RAD51B: variants seen among roughly 807,000 people sequenced by gnomAD.
The protein encoded by RAD51B is RAD51 paralog B, also known as DNA repair protein RAD51 homolog 2.
A neutral mutation model predicts 42.2 loss-of-function variants in RAD51B; 38 were observed. The ratio of observed to expected loss-of-function variants is 0.90; its 90% confidence interval spans 0.70 to 1.18. The LOEUF (loss-of-function observed/expected upper bound fraction) is 1.18, where lower values mean the gene tolerates loss of function less well. Among genes scored for constraint, RAD51B ranks in the 50% most tolerant of loss-of-function variants. RAD51B has a pLI of 0.00. For synonymous variants in RAD51B, 154 were observed against 145.2 expected (o/e 1.06, Z -0.43); for missense variants, 373 against 400.7 (o/e 0.93, Z 0.59).
chr14:68,255,641 T>C (rs2080738616), intron 7 of RAD51B, among the ~76,000 whole-genome samples: 1 of 152,208 alleles, frequency 6.6e-6, no homozygotes, highest in Non-Finnish European at 1.5e-5. Context: ...TCACCTAAAG[T>C]GGAACTTTTG....
intron 8 of RAD51B, among the ~76,000 whole-genome samples, chr14:68,401,550 G>A (rs116217504): frequency 0.019 from 2,816 of 152,172 alleles, 88 homozygotes; most frequent in African/African-American, 0.062. Flanking sequence ...ACCTTTCTCA[G>A]TAACGAGTTT....
chr14:67,839,890 C>G (rs1048194752), intron 4 of RAD51B, among the ~76,000 whole-genome samples: 2 of 152,092 alleles, frequency 1.3e-5, no homozygotes, highest in Admixed American at 6.5e-5. Context: ...TTTAAACATT[C>G]CCATCACAAT....
chr14:67,943,141 G>C (rs981777274), intron 7 of RAD51B, among the ~76,000 whole-genome samples: 2 of 151,930 alleles, frequency 1.3e-5, no homozygotes, highest in African/African-American at 4.8e-5. Flanking sequence ...GCTTTCAAAA[G>C]TGATTCTAAA....
At chr14:68,605,610 C>A (rs77965350) in intron 10 of RAD51B, among the ~76,000 whole-genome samples, 2,733 of 152,304 alleles carry the variant, frequency 0.018, 73 homozygotes, top group African/African-American at 0.058. Flanking sequence ...CCTCCATCTG[C>A]ACATGTGCTC....
At chr14:68,059,559 G>GT (rs1201635095) in intron 7 of RAD51B, among the ~76,000 whole-genome samples, 1 of 152,038 alleles carries the variant, frequency 6.6e-6, no homozygotes, top group African/African-American at 2.4e-5. Context: ...ACATATGCCC[G>GT]TAATATTCCC....
At chr14:68,503,638 G>C (rs879313719) in intron 10 of RAD51B, among the ~76,000 whole-genome samples, 1 of 152,172 alleles carries the variant, frequency 6.6e-6, no homozygotes, top group Admixed American at 6.5e-5. Context: ...CAACCCTCAG[G>C]CAGCCTGGCT....
intron 8 of RAD51B, among the ~76,000 whole-genome samples, chr14:68,402,965 G>T (rs749802747): frequency 2.6e-5 from 4 of 152,148 alleles, no homozygotes; most frequent in African/African-American, 9.7e-5. Context: ...AAGCCCAGAC[G>T]GAGTCAGAAA....
At chr14:68,189,597 G>A (rs1566716485) in intron 7 of RAD51B, among the ~76,000 whole-genome samples, 1 of 151,964 alleles carries the variant, frequency 6.6e-6, no homozygotes, top group East Asian at 1.9e-4. Flanking sequence ...ATATGGTTAG[G>A]ATCAAACTTC....
intron 7 of RAD51B, among the ~76,000 whole-genome samples, chr14:68,233,087 A>G (rs887854908): frequency 6.6e-6 from 1 of 151,922 alleles, no homozygotes; most frequent in African/African-American, 2.4e-5. Flanking sequence ...TTTTGTGTGC[A>G]TTAGGAGACT....
At chr14:67,923,282 CTTTCTT>C (rs1339912697) in intron 7 of RAD51B, among the ~76,000 whole-genome samples, 7 of 139,700 alleles carry the variant, frequency 5.0e-5, no homozygotes, top group Admixed American at 7.1e-5. Flanking sequence ...CAATTTCTTT[CTTTCTT>C]TTTCTTTTTC....
At chr14:68,484,619 A>G (rs1489082856) in intron 10 of RAD51B, among the ~76,000 whole-genome samples, 1 of 151,954 alleles carries the variant, frequency 6.6e-6, no homozygotes, top group Non-Finnish European at 1.5e-5. Context: ...GGCCTCCCAA[A>G]GTGCTGGGAT....
chr14:68,325,980 A>C (rs921551209), intron 8 of RAD51B, among the ~76,000 whole-genome samples: 3 of 148,264 alleles, frequency 2.0e-5, no homozygotes, highest in Non-Finnish European at 4.5e-5. Flanking sequence ...AGTTGTAACA[A>C]TTTATTTTCA....
At chr14:68,051,854 G>A (rs532208895) in intron 7 of RAD51B, among the ~76,000 whole-genome samples, 81 of 149,506 alleles carry the variant, frequency 5.4e-4, no homozygotes, top group African/African-American at 1.9e-3. Flanking sequence ...TCTCCCATAC[G>A]CATATATATC....
intron 10 of RAD51B, among the ~76,000 whole-genome samples, chr14:68,533,464 G>A (rs1594949421): frequency 6.6e-6 from 1 of 152,298 alleles, no homozygotes; most frequent in East Asian, 1.9e-4. Context: ...AGAGAGGATG[G>A]GATGCAAAGC....
At chr14:68,097,138 T>G (rs2077209866) in intron 7 of RAD51B, among the ~76,000 whole-genome samples, 1 of 152,190 alleles carries the variant, frequency 6.6e-6, no homozygotes. Flanking sequence ...TCATACAATT[T>G]TAGAATTGTT....
chr14:68,452,440 C>T (rs565933196), intron 9 of RAD51B, among the ~76,000 whole-genome samples: 1 of 152,114 alleles, frequency 6.6e-6, no homozygotes, highest in Non-Finnish European at 1.5e-5. Flanking sequence ...AGCTTACTGA[C>T]AATAAAGTCA....
chr14:68,082,351 G>A (rs1455177805), intron 7 of RAD51B, among the ~76,000 whole-genome samples: 1 of 152,094 alleles, frequency 6.6e-6, no homozygotes, highest in Non-Finnish European at 1.5e-5. Flanking sequence ...AGAGCTGTAC[G>A]TAGGAAGAAG....
At chr14:68,113,185 T>G (rs1015442796) in intron 7 of RAD51B, among the ~76,000 whole-genome samples, 1 of 152,088 alleles carries the variant, frequency 6.6e-6, no homozygotes, top group African/African-American at 2.4e-5. Context: ...ATCAATATTG[T>G]CCCTATTGTA....
intron 6 of RAD51B, chr14:67,886,452 C>T (rs1276990467): frequency 9.4e-6 from 2 of 213,728 alleles, no homozygotes; most frequent in African/African-American, 4.5e-5. Context: ...TTGTTGGAAG[C>T]CCTCTGTTTC....
Sources: gnomAD v4.1 joint callset for allele counts (sites outside exome capture counted in the v4.1 genomes callset) on GRCh38, gnomAD v4.1.1 for gene constraint, MANE v1.5 for transcripts, NCBI Gene and HGNC (gene_info 2026-07-23, HGNC 2026-07-21) for gene names.